CDC42BPA: variants seen among roughly 807,000 people sequenced by gnomAD.
CDC42BPA encodes CDC42 binding protein kinase alpha, also known as serine/threonine-protein kinase MRCK alpha.
In CDC42BPA, 80 loss-of-function variants were observed where a neutral mutation model predicts 223.5. The ratio of observed to expected loss-of-function variants is 0.36; its 90% CI spans 0.30 to 0.43. CDC42BPA has a LOEUF of 0.43. Among genes scored for constraint, CDC42BPA ranks in the 20% least tolerant of loss-of-function variants. The pLI is 1.00. For synonymous variants in CDC42BPA, 694 were observed against 718.6 expected (o/e 0.97, Z 0.55); for missense variants, 1,743 against 2,099.9 (o/e 0.83, Z 3.32).
chr1:227,239,452 T>G (rs1225357996), intron 2 of CDC42BPA, among the ~76,000 whole-genome samples: 1 of 152,148 alleles, frequency 6.6e-6, no homozygotes, highest in Non-Finnish European at 1.5e-5. Flanking sequence ...TGTAGTTTCC[T>G]GGATTGTAAC....
At chr1:227,301,037 T>C (rs1218948193) in intron 1 of CDC42BPA, among the ~76,000 whole-genome samples, 1 of 152,264 alleles carries the variant, frequency 6.6e-6, no homozygotes, top group African/African-American at 2.4e-5. Flanking sequence ...TTGTGTGATT[T>C]GTCTTCACTG....
At chr1:227,129,012 A>G in intron 11 of CDC42BPA, 97 bp downstream of exon 11, 1 of 830,728 alleles carries the variant, frequency 1.2e-6, no homozygotes, top group Non-Finnish European at 1.9e-6. Flanking sequence ...CTCACATCAC[A>G]TAACACAGAC....
intron 30 of CDC42BPA, among the ~76,000 whole-genome samples, chr1:227,027,977 G>A (rs1335282428): frequency 1.3e-5 from 2 of 151,966 alleles, no homozygotes; most frequent in Admixed American, 6.6e-5. Context: ...AACATAAGCT[G>A]GGTGTGGTGG....
chr1:227,208,369 A>G (rs1326403597), intron 3 of CDC42BPA, among the ~76,000 whole-genome samples: 13 of 135,056 alleles, frequency 9.6e-5, no homozygotes, highest in Middle Eastern at 3.6e-3. Context: ...ATTAGATCCC[A>G]TTTGTCAATT....
At chr1:227,189,401 A>G (rs138831359) in intron 5 of CDC42BPA, among the ~76,000 whole-genome samples, 5 of 152,330 alleles carry the variant, frequency 3.3e-5, no homozygotes, top group African/African-American at 1.2e-4. Flanking sequence ...CTTATTTATA[A>G]TAATTTTAAT....
chr1:227,173,128 G>A (rs1054812302), intron 5 of CDC42BPA, among the ~76,000 whole-genome samples: 1 of 152,162 alleles, frequency 6.6e-6, no homozygotes. Context: ...ATATGAAAAC[G>A]TATATAATGG....
At chr1:227,207,564 G>A (rs1299488788) in intron 3 of CDC42BPA, among the ~76,000 whole-genome samples, 2 of 132,482 alleles carry the variant, frequency 1.5e-5, no homozygotes, top group African/African-American at 5.8e-5. Context: ...CCCTTCCTGT[G>A]TCCCTGTGAT....
chr1:227,245,664 C>T (rs1680816887), intron 2 of CDC42BPA, among the ~76,000 whole-genome samples: 1 of 152,184 alleles, frequency 6.6e-6, no homozygotes, highest in Non-Finnish European at 1.5e-5. Context: ...CATGAGGCCC[C>T]CATTCCAGGC....
chr1:227,168,209 G>A (rs941938708), intron 5 of CDC42BPA, among the ~76,000 whole-genome samples: 4 of 152,132 alleles, frequency 2.6e-5, no homozygotes, highest in Admixed American at 6.5e-5. Context: ...ATAGGCATGA[G>A]CCATCACCCC....
intron 2 of CDC42BPA, among the ~76,000 whole-genome samples, chr1:227,220,396 A>G (rs1262573925): frequency 6.7e-6 from 1 of 149,008 alleles, no homozygotes; most frequent in Non-Finnish European, 1.5e-5. Flanking sequence ...GGAATAATAT[A>G]TATAAGAATA....
At chr1:227,283,964 C>T (rs1370283422) in intron 1 of CDC42BPA, among the ~76,000 whole-genome samples, 5 of 152,078 alleles carry the variant, frequency 3.3e-5, no homozygotes, top group Admixed American at 2.6e-4. Flanking sequence ...GGCTGGGGCA[C>T]AAGAACTGCT....
At chr1:227,065,344 A>G (rs1676821201) in intron 21 of CDC42BPA, among the ~76,000 whole-genome samples, 1 of 152,208 alleles carries the variant, frequency 6.6e-6, no homozygotes, top group Non-Finnish European at 1.5e-5. Flanking sequence ...ATGATTCTAC[A>G]TGTAGAAAAG....
intron 3 of CDC42BPA, among the ~76,000 whole-genome samples, chr1:227,206,361 T>C (rs944055847): frequency 6.6e-6 from 1 of 152,216 alleles, no homozygotes; most frequent in African/African-American, 2.4e-5. Context: ...GGACATTATA[T>C]TATTATACCT....
rs149726943 is a variant in CDC42BPA at position 227,318,153 on chromosome 1, C to CGGGGGGGG, written c.-972_-971insCCCCCCCC. On this transcript the variant is annotated 5_prime_UTR_variant, in exon 1 of 37. Transcript: ENST00000366766. The stretch of plus-strand genomic sequence containing the variant: ...CGCCGGAGGCTCCCGACGCCCCAGG[C>CGGGGGGGG]GGGGGGGTGCTTCTCTGAATTCAAA... The CGGGGGGGG allele has an allele frequency of 1.8e-5, 3 of 166,124 alleles. No homozygotes were observed. Among genetic ancestry groups the CGGGGGGGG allele is most frequent in the African/African-American group, 7.5e-5 (3 of 39,956 alleles). The allele number at this position is 166,124 out of a possible 1,614,324, so 10.3% of individuals were successfully genotyped here. A position where few individuals can be genotyped will look rare whatever the true frequency, so the allele number is the denominator to read the frequency against.
At chr1:227,183,898 G>A (rs184867416) in intron 5 of CDC42BPA, among the ~76,000 whole-genome samples, 1 of 152,130 alleles carries the variant, frequency 6.6e-6, no homozygotes, top group East Asian at 1.9e-4. Flanking sequence ...CAAACAGGTG[G>A]GTAATAATAT....
At chr1:227,277,923 G>A (rs144562716) in intron 1 of CDC42BPA, among the ~76,000 whole-genome samples, 9,109 of 152,058 alleles carry the variant, frequency 0.06, 278 homozygotes, top group Non-Finnish European at 0.073. Context: ...CTAATTTTTT[G>A]TATTTTTAGT....
intron 3 of CDC42BPA, among the ~76,000 whole-genome samples, chr1:227,202,885 A>AT (rs1227565648): frequency 6.6e-6 from 1 of 152,110 alleles, no homozygotes; most frequent in Non-Finnish European, 1.5e-5. Context: ...AGCTATGATC[A>AT]CACCATCGCA....
intron 2 of CDC42BPA, among the ~76,000 whole-genome samples, chr1:227,232,603 T>C (rs950729022): frequency 1.3e-5 from 2 of 152,206 alleles, no homozygotes; most frequent in Non-Finnish European, 2.9e-5. Flanking sequence ...GGTGTGGATG[T>C]CCTTTCTGTT....
At chr1:227,062,294 T>C (rs982159628) in intron 21 of CDC42BPA, among the ~76,000 whole-genome samples, 1 of 152,218 alleles carries the variant, frequency 6.6e-6, no homozygotes, top group Admixed American at 6.5e-5. Context: ...TCCTCTTATG[T>C]AGTTGTTTTA....
Sources: gnomAD v4.1 joint callset for allele counts (sites outside exome capture counted in the v4.1 genomes callset) on GRCh38, gnomAD v4.1.1 for gene constraint, MANE v1.5 for transcripts, NCBI Gene and HGNC (gene_info 2026-07-23, HGNC 2026-07-21) for gene names.